The following LOC400499 variants were observed in gnomAD, a reference collection of about 807,000 sequenced individuals.
chr16:11,446,780 T>A, the LOC400499 span: 1 of 1,536,092 alleles, frequency 6.5e-7, no homozygotes. Flanking sequence ...CCCAGGACCA[T>A]GGTCTGCAGG....
At chr16:11,496,683 G>C in the LOC400499 span, among the ~76,000 whole-genome samples, 1 of 152,096 alleles carries the variant, frequency 6.6e-6, no homozygotes, top group Admixed American at 6.5e-5. Context: ...TGTGTGTACT[G>C]TGTGTCCCTT....
chr16:11,527,502 G>A, the LOC400499 span, among the ~76,000 whole-genome samples: 7 of 152,254 alleles, frequency 4.6e-5, no homozygotes, highest in Non-Finnish European at 8.8e-5. Context: ...AAGGCAAGAC[G>A]GTGTAGTGGT....
At chr16:11,416,251 C>T in the LOC400499 span, among the ~76,000 whole-genome samples, 53 of 152,114 alleles carry the variant, frequency 3.5e-4, no homozygotes, top group African/African-American at 1.2e-3. Context: ...CACCCGGCCC[C>T]CAAAATAAAA....
the LOC400499 span, among the ~76,000 whole-genome samples, chr16:11,484,592 A>T: frequency 6.6e-6 from 1 of 152,144 alleles, no homozygotes; most frequent in Non-Finnish European, 1.5e-5. Flanking sequence ...GTGGGAGCTG[A>T]AGATGGTCTG....
chr16:11,445,920 G>A, the LOC400499 span, among the ~76,000 whole-genome samples: 1 of 147,654 alleles, frequency 6.8e-6, no homozygotes, highest in Non-Finnish European at 1.5e-5. Context: ...TGTAACCTCT[G>A]CCTCCTGGGT....
the LOC400499 span, chr16:11,435,523 A>G: frequency 7.7e-3 from 3,056 of 397,780 alleles, 95 homozygotes; most frequent in African/African-American, 0.058. Flanking sequence ...CCTCAGTGGC[A>G]CCAATGGGGC....
chr16:11,456,922 G>A, the LOC400499 span: 3 of 1,536,272 alleles, frequency 2.0e-6, no homozygotes, highest in Non-Finnish European at 2.6e-6. Flanking sequence ...ACAAACAGCG[G>A]CCGCCCATTG....
chr16:11,456,882 C>T, the LOC400499 span: 41 of 1,536,124 alleles, frequency 2.7e-5, no homozygotes, highest in Non-Finnish European at 3.2e-5. Context: ...CAGGGTGGCC[C>T]GAGATGTGTC....
chr16:11,473,218 T>C, the LOC400499 span: 2 of 151,780 alleles, frequency 1.3e-5, no homozygotes, highest in Admixed American at 6.6e-5. Context: ...TTTTTTTCTG[T>C]ATTGTATGTT....
At chr16:11,415,950 T>C in the LOC400499 span, among the ~76,000 whole-genome samples, 2 of 106,656 alleles carry the variant, frequency 1.9e-5, no homozygotes, top group East Asian at 2.2e-4. Flanking sequence ...TTTTTTGCTG[T>C]TGTTGTTTTG....
At chr16:11,492,526 G>A in the LOC400499 span, among the ~76,000 whole-genome samples, 12 of 152,202 alleles carry the variant, frequency 7.9e-5, no homozygotes, top group African/African-American at 2.9e-4. Flanking sequence ...GCTCATGCCT[G>A]TAATCACAGC....
chr16:11,386,964 C>T, the LOC400499 span: 4 of 533,310 alleles, frequency 7.5e-6, no homozygotes, highest in East Asian at 1.4e-4. Flanking sequence ...GGATGTGTAC[C>T]CTCAGCCCTA....
At chr16:11,490,620 G>C in the LOC400499 span, among the ~76,000 whole-genome samples, 37 of 152,160 alleles carry the variant, frequency 2.4e-4, no homozygotes, top group Admixed American at 2.4e-3. Context: ...AGAATGGCAT[G>C]AACCCGGGAG....
At chr16:11,436,153 C>G in the LOC400499 span, among the ~76,000 whole-genome samples, 411 of 152,274 alleles carry the variant, frequency 2.7e-3, 1 homozygote, top group African/African-American at 9.5e-3. Flanking sequence ...AATGGGGAAA[C>G]TGAGGCACTG....
the LOC400499 span, chr16:11,424,160 G>A: frequency 2.5e-6 from 1 of 399,494 alleles, no homozygotes; most frequent in Admixed American, 4.4e-5. Context: ...AGTGCTTGAG[G>A]CTGGGCATGG....
chr16:11,404,770 C>T, the LOC400499 span: 2 of 399,094 alleles, frequency 5.0e-6, no homozygotes, highest in Non-Finnish European at 8.8e-6. Context: ...AGGGCCACCT[C>T]CTGGCCATCC....
chr16:11,472,235 C>T, the LOC400499 span: 112 of 153,272 alleles, frequency 7.3e-4, 2 homozygotes, highest in African/African-American at 2.5e-3. Context: ...CTTTGTCACC[C>T]GGGCTGGAGT....
At chr16:11,441,143 AC>A in the LOC400499 span, 1 of 398,506 alleles carries the variant, frequency 2.5e-6, no homozygotes. Context: ...TGCAGAAGCT[AC>A]CCTGGGAATC....
chr16:11,435,745 A>T, the LOC400499 span: 1 of 399,174 alleles, frequency 2.5e-6, no homozygotes, highest in East Asian at 3.6e-5. Context: ...GGACACTCAC[A>T]CCCCAGCCCC....
Sources: allele counts gnomAD v4.1 joint callset (sites outside exome capture counted in the v4.1 genomes callset), GRCh38; gene constraint gnomAD v4.1.1; transcripts MANE v1.5.